The following NUTM2A variants were observed in gnomAD, a reference collection of about 807,000 sequenced individuals.
NUTM2A encodes the protein family with sequence similarity 22, member A.
NUTM2A carries 3 observed loss-of-function variants against 24.4 expected under a neutral mutation model. The observed-to-expected ratio is 0.12, with a 90% CI of 0.06 to 0.32. The LOEUF (loss-of-function observed/expected upper bound fraction) is 0.32. Among genes scored for constraint, NUTM2A ranks in the 10% least tolerant of loss-of-function variants. The pLI is 1.00. For missense variants in NUTM2A, 39 were observed against 631.1 expected (o/e 0.06, Z 10.05); for synonymous variants, 11 against 278.4 (o/e 0.04, Z 9.56).
rs1361105192 is a variant in NUTM2A, at chr10:87,228,945, GCTTT to G, written c.1067_1070del (p.Leu356ArgfsTer18). On this transcript the variant is annotated frameshift_variant, in exon 2 of 7. Transcript: ENST00000381707. LOFTEE classifies it high-confidence loss of function. ...TTCCCCAGAGTCCTGACACCGAAGC[GCTTT>G]CGTGCTTCCTCATGTGAGTGTCCTC... 1 of 1,075,410 alleles carries G rather than the reference GCTTT, an allele frequency of 9.3e-7. No individual in the cohort carries two copies. Among genetic ancestry groups the G allele is most frequent in the Non-Finnish European group, 1.4e-6 (1 of 701,026 alleles). 66.6% of individuals were successfully genotyped at this position (1,075,410 alleles called of 1,614,324 possible). A position where few individuals can be genotyped will look rare whatever the true frequency, so the allele number is the denominator to read the frequency against.
chr10:87,233,442 G>A, intron 5 of NUTM2A, 31 bp from the exon 6 acceptor site: 1 of 271,442 alleles, frequency 3.7e-6, no homozygotes, highest in Non-Finnish European at 6.8e-6. Flanking sequence ...CCCTGCCCAG[G>A]AAGCTCACGC....
At chr10:87,229,175 C>T (rs1250885102) in intron 2 of NUTM2A, among the ~76,000 whole-genome samples, 8 of 152,296 alleles carry the variant, frequency 5.3e-5, no homozygotes, top group Non-Finnish European at 8.8e-5. Context: ...GTCACTGTCC[C>T]GTGAGTCCAG....
At chr10:87,233,065 TTAGC>T (rs1175288309) in intron 5 of NUTM2A, 80 bp downstream of exon 5, 1 of 1,116,826 alleles carries the variant, frequency 9.0e-7, no homozygotes, top group Non-Finnish European at 1.3e-6. Context: ...GCTCTGTTCC[TTAGC>T]TACTCAGCAG....
At chr10:87,229,092 A>C in intron 2 of NUTM2A, 130 bp downstream of exon 2, 1 of 1,534,404 alleles carries the variant, frequency 6.5e-7, no homozygotes, top group Non-Finnish European at 9.0e-7. Context: ...GCACTATGGG[A>C]AGGTATATTT....
chr10:87,229,484 A>G (rs2261989), intron 2 of NUTM2A, among the ~76,000 whole-genome samples: 22 of 152,336 alleles, frequency 1.4e-4, no homozygotes, highest in Middle Eastern at 3.4e-3. Context: ...GCCGATGCCG[A>G]GCAGGTATTT....
chr10:87,233,168 CTGTG>C (rs999165400), intron 5 of NUTM2A, among the ~76,000 whole-genome samples, 183 bp downstream of exon 5: 3 of 108,962 alleles, frequency 2.8e-5, no homozygotes, highest in East Asian at 2.1e-4. Flanking sequence ...TGGTTTGTTA[CTGTG>C]TGTCTTTGTG....
chr10:87,228,952 T>C lies in NUTM2A; in HGVS notation c.1072T>C (p.Cys358Arg), dbSNP rs1849349268. The change falls in exon 2 of 7, where the codon TGC becomes CGC. Residue 358 changes from cysteine to arginine, a missense_variant. By Grantham distance (180) the Cys-to-Arg change is radical (BLOSUM62 -3). Transcript: ENST00000381707. ...GAGTCCTGACACCGAAGCGCTTTCG[T>C]GCTTCCTCATGTGAGTGTCCTCGGG... The part of the protein sequence containing the change: ...PQSPDTEALS[C>R]FLIPVLRSLA... The C allele has an allele frequency of 9.7e-7, 1 of 1,035,804 alleles. No homozygotes were observed. The highest frequency in any genetic ancestry group is 1.5e-5 in the African/African-American group (1 of 64,754). 64.2% of individuals were successfully genotyped at this position (1,035,804 alleles called of 1,614,324 possible). A position where few individuals can be genotyped will look rare whatever the true frequency, so the allele number is the denominator to read the frequency against.
At chr10:87,233,116 T>C in intron 5 of NUTM2A, 131 bp downstream of exon 5, 1 of 1,004,076 alleles carries the variant, frequency 1.0e-6, no homozygotes, top group East Asian at 2.5e-5. Context: ...TCTGTGTATG[T>C]GATTGTGTGT....
intron 5 of NUTM2A, 148 bp downstream of exon 5, chr10:87,233,133 G>C (rs1589299825): frequency 1.0e-6 from 1 of 967,758 alleles, no homozygotes; most frequent in Non-Finnish European, 1.4e-6. Flanking sequence ...GTGTGTGTCT[G>C]TGTGTTGCTG....
At position 87,228,770 on chromosome 10, in the gene NUTM2A, A is replaced by T. The variant is rs1316973036; in HGVS notation, c.890A>T (p.Asn297Ile). ...AQLPPIVSQGNAGPWPQGAHG... is the reference protein window; with the variant it reads ...AQLPPIVSQGIAGPWPQGAHG... ...CTGCCCCCCATTGTGTCCCAAGGGA[A>T]TGCTGGGCCATGGCCACAAGGGGCT... The change falls in exon 2 of 7, where the codon AAT becomes ATT. Residue 297 changes from asparagine to isoleucine, a missense_variant. Asn to Ile is a moderately radical substitution (Grantham distance 149). Coordinates refer to ENST00000381707, the MANE Select transcript of NUTM2A (RefSeq NM_001099338.2). 8.1e-7 allele frequency: 1 copy of T among 1,232,190 alleles called. No individual in the cohort carries two copies. The highest frequency in any genetic ancestry group is 1.1e-6 in the Non-Finnish European group (1 of 873,994). The allele number at this position is 1,232,190 out of a possible 1,614,324, so 76.3% of individuals were successfully genotyped here.
intron 5 of NUTM2A, 75 bp downstream of exon 5, chr10:87,233,060 G>T (rs1849388181): frequency 1.3e-5 from 15 of 1,137,576 alleles, no homozygotes; most frequent in Non-Finnish European, 1.9e-5. Context: ...ATTAAGCTCT[G>T]TTCCTTAGCT....
intron 2 of NUTM2A, among the ~76,000 whole-genome samples, 162 bp downstream of exon 2, chr10:87,229,124 C>T (rs535847495): frequency 2.3e-3 from 354 of 152,216 alleles, no homozygotes; most frequent in African/African-American, 7.6e-3. Context: ...AATCTGGCTG[C>T]GGCTCAGGAC....
chr10:87,229,572 C>T (rs1451198726), intron 2 of NUTM2A, among the ~76,000 whole-genome samples: 40 of 152,354 alleles, frequency 2.6e-4, no homozygotes, highest in Non-Finnish European at 5.7e-4. Context: ...ATAACTTGAG[C>T]TCACATATGA....
At position 87,233,586 on chromosome 10, in the gene NUTM2A, C is replaced by T; in HGVS notation, c.1848C>T (p.Ala616=). The T allele has an allele frequency of 3.4e-6, 1 of 297,742 alleles. No homozygotes were observed. The highest frequency in any genetic ancestry group is 7.0e-5 in the Admixed American group (1 of 14,338). 18.4% of individuals were successfully genotyped at this position (297,742 alleles called of 1,614,324 possible). The change falls in exon 6 of 7, where the codon GCC becomes GCT. Residue 616 remains alanine (A), a synonymous_variant. Coordinates refer to ENST00000381707, the MANE Select transcript of NUTM2A (RefSeq NM_001099338.2). ...ELEQEEGLTL[A]QLVEKRLLPL... is the part of the protein sequence containing the mutation. ...AGCAGGAGGAAGGACTCACCCTTGCCCAGGTACCCCAGGGGCAGGAGGGAC... is the reference window on the plus strand; with the variant it reads ...AGCAGGAGGAAGGACTCACCCTTGCTCAGGTACCCCAGGGGCAGGAGGGAC...
rs777750598 is a variant in NUTM2A, at chr10:87,228,942, AGC to A, written c.1065_1066del (p.Leu356PhefsTer38). The A allele has an allele frequency of 9.0e-7, 1 of 1,115,154 alleles. No homozygotes were observed. Among genetic ancestry groups the A allele is most frequent in the Non-Finnish European group, 1.4e-6 (1 of 736,834 alleles). 69.1% of individuals were successfully genotyped at this position (1,115,154 alleles called of 1,614,324 possible). The part of the protein sequence containing the change: ...RHLPQSPDTE[A>X]LSCFLIPVLR... ...ACCTTCCCCAGAGTCCTGACACCGA[AGC>A]GCTTTCGTGCTTCCTCATGTGAGTG... On this transcript the variant is annotated frameshift_variant, in exon 2 of 7. Transcript: ENST00000381707. LOFTEE classifies it high-confidence loss of function.
chr10:87,229,588 A>T (rs1310526705), intron 2 of NUTM2A, among the ~76,000 whole-genome samples: 1 of 152,346 alleles, frequency 6.6e-6, no homozygotes, highest in East Asian at 1.9e-4. Context: ...TATGACATGC[A>T]TAGCACAGTG....
intron 2 of NUTM2A, among the ~76,000 whole-genome samples, chr10:87,229,396 C>G (rs1278270544): frequency 6.6e-5 from 10 of 152,232 alleles, no homozygotes; most frequent in Admixed American, 5.2e-4. Context: ...TGACACATGC[C>G]CGCAGTTCCG....
At chr10:87,233,174 G>A (rs1849390085) in intron 5 of NUTM2A, among the ~76,000 whole-genome samples, 189 bp downstream of exon 5, 1 of 108,376 alleles carries the variant, frequency 9.2e-6, no homozygotes, top group African/African-American at 3.9e-5. Flanking sequence ...GTTACTGTGT[G>A]TCTTTGTGTG....
chr10:87,234,973 G>C lies in NUTM2A; in HGVS notation c.*265G>C. 1 of 1,502,378 alleles carries C rather than the reference G, an allele frequency of 6.7e-7. No homozygotes were observed. 93.1% of individuals were successfully genotyped at this position (1,502,378 alleles called of 1,614,324 possible). ...AAGTGTGAATAAATGTAGTTGTCTT[G>C]GAAAATGCTCTTGGGGCTGCTGCCT... On this transcript the variant is annotated 3_prime_UTR_variant, in exon 7 of 7. Coordinates refer to ENST00000381707, the MANE Select transcript of NUTM2A (RefSeq NM_001099338.2).
Sources: allele counts gnomAD v4.1 joint callset (sites outside exome capture counted in the v4.1 genomes callset), GRCh38; gene constraint gnomAD v4.1.1; transcripts MANE v1.5; gene names NCBI Gene and HGNC (gene_info 2026-07-23, HGNC 2026-07-21).